ACVR2A: variants seen among roughly 807,000 people sequenced by gnomAD.
The protein encoded by ACVR2A is activin A receptor type 2A, also known as activin receptor type-2A.
ACVR2A carries 7 observed loss-of-function variants against 61.4 expected under a neutral mutation model. That is an observed-to-expected ratio of 0.11 (90% CI 0.06 to 0.21). The LOEUF is 0.21. Among genes scored for constraint, ACVR2A ranks in the 10% least tolerant of loss-of-function variants. The pLI, the probability that ACVR2A is intolerant of heterozygous loss-of-function variation, is 1.00. For missense variants in ACVR2A, 322 were observed against 621.7 expected (o/e 0.52, Z 5.13); for synonymous variants, 193 against 208.3 (o/e 0.93, Z 0.63).
At chr2:147,925,964 T>C (rs1687490697) in intron 9 of ACVR2A, 67 bp from the exon 10 acceptor site, 2 of 1,516,742 alleles carry the variant, frequency 1.3e-6, no homozygotes, top group South Asian at 1.2e-5. Flanking sequence ...TTTAGAAAGT[T>C]TGTACCAGTT....
At chr2:147,862,858 T>G (rs941479299) in intron 1 of ACVR2A, among the ~76,000 whole-genome samples, 6 of 152,220 alleles carry the variant, frequency 3.9e-5, no homozygotes, top group African/African-American at 1.4e-4. Context: ...AAATTGGAAC[T>G]GGCAAGTTAT....
intron 4 of ACVR2A, among the ~76,000 whole-genome samples, chr2:147,911,051 A>T (rs1024106530): frequency 3.9e-5 from 6 of 152,144 alleles, no homozygotes; most frequent in African/African-American, 1.4e-4. Context: ...TAAGACAACT[A>T]TCAGAAAGTC....
In ACVR2A at chr2:147,915,168, G is replaced by GTAT. The variant is rs754294828; in HGVS notation, c.529-12_529-10dup. The GTAT allele has an allele frequency of 4.4e-6, 7 of 1,606,422 alleles. No homozygotes were observed. The South Asian group carries it at 4.4e-5, about 10-fold the overall frequency. Reference sequence around the variant, plus strand: ...GTGTGTCATGTTCTGCTTATTTATAGTATTATTATTATTTATCTGTAGGAC... The same window carrying GTAT: ...GTGTGTCATGTTCTGCTTATTTATAGTATTATTATTATTATTTATCTGTAGGAC... On this transcript the variant is annotated intron_variant, in intron 4 of 10. Transcript: ENST00000241416.
intron 1 of ACVR2A, among the ~76,000 whole-genome samples, chr2:147,860,522 C>A (rs1032207165): frequency 3.9e-5 from 6 of 152,056 alleles, no homozygotes; most frequent in African/African-American, 1.4e-4. Flanking sequence ...AGTCAGTTAC[C>A]CATTTTAAGT....
intron 1 of ACVR2A, 123 bp from the exon 2 acceptor site, chr2:147,896,178 A>T: frequency 1.2e-6 from 1 of 823,534 alleles, no homozygotes; most frequent in Non-Finnish European, 1.9e-6. Flanking sequence ...CTAAACCCAA[A>T]GTTATAAGTG....
chr2:147,920,464 A>G (rs1330199304), intron 8 of ACVR2A, 120 bp downstream of exon 8: 3 of 714,598 alleles, frequency 4.2e-6, no homozygotes, highest in African/African-American at 1.8e-5. Flanking sequence ...CATCTAATAG[A>G]GTTATCAAAG....
intron 4 of ACVR2A, among the ~76,000 whole-genome samples, chr2:147,906,611 G>A (rs1024624274): frequency 6.6e-6 from 1 of 152,038 alleles, no homozygotes; most frequent in African/African-American, 2.4e-5. Flanking sequence ...CACTGTTATT[G>A]GTGTTAGAGT....
intron 1 of ACVR2A, among the ~76,000 whole-genome samples, chr2:147,881,241 A>G (rs544974587): frequency 1.2e-3 from 183 of 152,202 alleles, no homozygotes; most frequent in African/African-American, 3.9e-3. Context: ...TGTTCTATAT[A>G]TACTTTTTGT....
intron 4 of ACVR2A, among the ~76,000 whole-genome samples, chr2:147,906,818 A>ATTTT (rs369876665): frequency 8.1e-6 from 1 of 123,406 alleles, no homozygotes. Context: ...TATCAAGTCC[A>ATTTT]TTTTTTTTTT....
chr2:147,855,236 G>GGT (rs1685542128), intron 1 of ACVR2A, among the ~76,000 whole-genome samples: 1 of 152,110 alleles, frequency 6.6e-6, no homozygotes, highest in South Asian at 2.1e-4. Context: ...GGTGGGGAAG[G>GGT]GTGTGACTTT....
At chr2:147,923,650 G>A (rs186304910) in intron 9 of ACVR2A, among the ~76,000 whole-genome samples, 4 of 152,136 alleles carry the variant, frequency 2.6e-5, no homozygotes, top group Non-Finnish European at 5.9e-5. Context: ...TTTCCAGTGT[G>A]ACAGAACTAT....
intron 4 of ACVR2A, among the ~76,000 whole-genome samples, chr2:147,901,592 GGTTAAAGTTACT>G (rs1686872867): frequency 4.0e-5 from 6 of 151,884 alleles, no homozygotes; most frequent in Admixed American, 2.6e-4. Context: ...TATTTGTTAT[GGTTAAAGTTACT>G]GTACACATTT....
At chr2:147,882,058 CTA>C (rs1257836199) in intron 1 of ACVR2A, among the ~76,000 whole-genome samples, 1 of 152,050 alleles carries the variant, frequency 6.6e-6, no homozygotes, top group African/African-American at 2.4e-5. Context: ...CTTTGGGACT[CTA>C]AAACTTTTAT....
intron 1 of ACVR2A, among the ~76,000 whole-genome samples, chr2:147,884,243 C>T (rs528760874): frequency 6.6e-6 from 1 of 152,236 alleles, no homozygotes; most frequent in African/African-American, 2.4e-5. Context: ...TCCCTTCTCC[C>T]CGCAAAGAAG....
upstream of ACVR2A, chr2:147,845,027 T>TTTTGGG: frequency 4.1e-6 from 1 of 241,322 alleles, no homozygotes; most frequent in Non-Finnish European, 8.1e-6. Context: ...TTTTTTTTTT[T>TTTTGGG]GGTCTGGGCT....
In ACVR2A at chr2:147,899,783, A is replaced by G. The variant is rs1686828322; in HGVS notation, c.413A>G (p.Asn138Ser). ...NPVTPKPPYY[N>S]ILLYSLVPLM... ...GTTACACCTAAGCCACCCTATTACAACATCCTGCTCTATTCCTTGGTGCCA... is the reference window on the plus strand; with the variant it reads ...GTTACACCTAAGCCACCCTATTACAGCATCCTGCTCTATTCCTTGGTGCCA... The change falls in exon 4 of 11, where the codon AAC (asparagine) becomes AGC (serine). Residue 138 changes from asparagine to serine, a missense_variant. Physicochemically the swap from Asn to Ser is conservative, Grantham distance 46. Around this residue, in one of 3 missense-constraint regions of ACVR2A, gnomAD observed 142 missense variants for 200.3 expected, o/e 0.71. Coordinates refer to ENST00000241416, the MANE Select transcript of ACVR2A (RefSeq NM_001616.5). 1 of 1,613,670 alleles carries G rather than the reference A, an allele frequency of 6.2e-7. No homozygotes were observed. The highest frequency in any genetic ancestry group is 8.5e-7 in the Non-Finnish European group (1 of 1,179,724).
chr2:147,907,912 A>C (rs1024029429), intron 4 of ACVR2A, among the ~76,000 whole-genome samples: 1 of 151,762 alleles, frequency 6.6e-6, no homozygotes, highest in South Asian at 2.1e-4. Context: ...GGTGGTGCAC[A>C]CCTGTAATCC....
intron 1 of ACVR2A, among the ~76,000 whole-genome samples, chr2:147,874,359 C>T (rs1686101858): frequency 6.6e-6 from 1 of 151,838 alleles, no homozygotes; most frequent in African/African-American, 2.4e-5. Context: ...TATGACACAT[C>T]TTCCTGTTAT....
At chr2:147,876,275 C>T (rs1040181593) in intron 1 of ACVR2A, among the ~76,000 whole-genome samples, 1 of 152,024 alleles carries the variant, frequency 6.6e-6, no homozygotes, top group Non-Finnish European at 1.5e-5. Context: ...GCTTCCATGA[C>T]TTCTTGCTTT....
Sources: gnomAD v4.1 joint callset for allele counts (sites outside exome capture counted in the v4.1 genomes callset) on GRCh38, gnomAD v4.1.1 for gene constraint, gnomAD v4.1.1 regional missense constraint, MANE v1.5 for transcripts, NCBI Gene and HGNC (gene_info 2026-07-23, HGNC 2026-07-21) for gene names.